SEPTIN9: variants seen among roughly 807,000 people sequenced by gnomAD.
The protein encoded by SEPTIN9 is septin 9.
In SEPTIN9, 13 loss-of-function variants were observed where a neutral mutation model predicts 56.6. The observed-to-expected ratio is 0.23, with a 90% CI of 0.15 to 0.37. The LOEUF (loss-of-function observed/expected upper bound fraction) is 0.37. Ranked by LOEUF, SEPTIN9 falls within the 10% of genes least tolerant of loss-of-function variation. The probability of loss-of-function intolerance (pLI) is 1.00; values close to 1 mark genes in which losing one functional copy is unlikely to be tolerated. For synonymous variants in SEPTIN9, 332 were observed against 334.1 expected, an observed-to-expected ratio of 0.99 and a Z score of 0.07; for missense variants, 650 against 823.1, an observed-to-expected ratio of 0.79 and a Z score of 2.57.
At chr17:77,360,541 T>C (rs1339654819) in intron 2 of SEPTIN9, among the ~76,000 whole-genome samples, 1 of 146,892 alleles carries the variant, frequency 6.8e-6, no homozygotes, top group East Asian at 2.0e-4. Flanking sequence ...GGGTAGGTTG[T>C]TTTTTTTTTG....
rs537411328 is a variant in SEPTIN9 at position 77,331,918 on chromosome 17, T to G, written c.76+24721T>G. Among the ~76,000 whole-genome samples the G allele has an allele frequency of 3.3e-5, 5 of 152,302 alleles. No individual in the cohort carries two copies. The South Asian group carries it at 1.0e-3, about 32-fold the overall frequency. ...TTATTTTATTTTTCCTATTTTTGGT[T>G]GATAGGTTTCAATCTTTTTTACATT... is the stretch of plus-strand genomic sequence containing the variant. On this transcript the variant is annotated intron_variant, in intron 2 of 11. Transcript: ENST00000427177.
chr17:77,392,369 G>A (rs391467), intron 2 of SEPTIN9, among the ~76,000 whole-genome samples: 44,459 of 151,954 alleles, frequency 0.29, 7,567 homozygotes, highest in East Asian at 0.63. Flanking sequence ...GACCCCCCTG[G>A]TGCATTTGAA....
rs528321717 is a variant in SEPTIN9 at position 77,425,855 on chromosome 17, G to A, written c.721+23152G>A. 1.1e-4 allele frequency among the ~76,000 whole-genome samples: 16 copies of A among 152,214 alleles called. No individual in the cohort carries two copies. The highest frequency in any genetic ancestry group is 1.9e-4 in the Non-Finnish European group (13 of 68,038). Reference sequence around the variant, plus strand: ...CAGCTGTGTCTGACCCTGGTTGTGCGGTCTTGGACAGTCCCAGCCCTCCTG... The same window carrying A: ...CAGCTGTGTCTGACCCTGGTTGTGCAGTCTTGGACAGTCCCAGCCCTCCTG... On this transcript the variant is annotated intron_variant, in intron 3 of 11. Transcript: ENST00000427177. This position sits in a 1 kb window ranked among gnomAD's most constrained non-coding sequence, Gnocchi z 4.2.
intron 3 of SEPTIN9, among the ~76,000 whole-genome samples, chr17:77,454,742 C>G (rs1393453524): frequency 2.0e-5 from 3 of 152,224 alleles, no homozygotes; most frequent in African/African-American, 7.2e-5. Flanking sequence ...TCGCACACTG[C>G]CCACCCCACC....
At chr17:77,488,617 C>T (rs2039895253) in intron 6 of SEPTIN9, 110 bp from the exon 7 acceptor site, 2 of 1,447,386 alleles carry the variant, frequency 1.4e-6, no homozygotes, top group African/African-American at 1.4e-5. Flanking sequence ...CCTCCCAGGG[C>T]ATGCATTTCA....
intron 2 of SEPTIN9, among the ~76,000 whole-genome samples, chr17:77,395,116 A>G (rs1171661047): frequency 6.7e-6 from 1 of 149,712 alleles, no homozygotes; most frequent in East Asian, 2.0e-4. Flanking sequence ...GAGTCTTGCC[A>G]TTTGCCCAGG....
chr17:77,354,824 G>A (rs2034173309), intron 2 of SEPTIN9, among the ~76,000 whole-genome samples: 1 of 152,088 alleles, frequency 6.6e-6, no homozygotes, highest in African/African-American at 2.4e-5. Flanking sequence ...GCGTCCTTGA[G>A]GACGTTGACC....
intron 2 of SEPTIN9, among the ~76,000 whole-genome samples, chr17:77,346,094 A>C (rs984309346): frequency 6.6e-6 from 1 of 151,694 alleles, no homozygotes; most frequent in Non-Finnish European, 1.5e-5. Flanking sequence ...GGAGATGCCC[A>C]CCATGCCCAG....
chr17:77,379,322 G>C (rs2143954878), intron 2 of SEPTIN9, among the ~76,000 whole-genome samples: 1 of 152,066 alleles, frequency 6.6e-6, no homozygotes, highest in South Asian at 2.1e-4. Flanking sequence ...GTATCAGGCA[G>C]TCACCACGGT....
intron 2 of SEPTIN9, 135 bp downstream of exon 2, chr17:77,307,332 G>T: frequency 1.2e-6 from 1 of 837,194 alleles, no homozygotes; most frequent in South Asian, 1.4e-5. Flanking sequence ...ATTTCCCAGG[G>T]AGACGCAGTC....
chr17:77,426,034 G>C (rs552601031), intron 3 of SEPTIN9, among the ~76,000 whole-genome samples: 13 of 152,240 alleles, frequency 8.5e-5, no homozygotes, highest in African/African-American at 3.1e-4. Context: ...GAGGGTCCCA[G>C]CCTCAGGAGG....
rs955571356 is a variant in SEPTIN9 at position 77,429,532 on chromosome 17, G to T, written c.721+26829G>T. 3.9e-5 allele frequency among the ~76,000 whole-genome samples: 6 copies of T among 152,224 alleles called. No individual in the cohort carries two copies. Among genetic ancestry groups the T allele is most frequent in the Non-Finnish European group, 8.8e-5 (6 of 68,042 alleles). On this transcript the variant is annotated intron_variant, in intron 3 of 11. Transcript: ENST00000427177. The surrounding 1 kb of genome is among the most constrained non-coding windows in gnomAD (Gnocchi z 5.2). ...GGTGGGGAGAGGAGGCGCAAGGCTG[G>T]TTCCTGTTTTCTGGGCTTTGATCGA...
rs1055501145 is a variant in SEPTIN9 at position 77,487,104 on chromosome 17, C to G, written c.914-320C>G. Among the ~76,000 whole-genome samples the G allele has an allele frequency of 6.6e-6, 1 of 152,190 alleles. No homozygotes were observed. Among genetic ancestry groups the G allele is most frequent in the Non-Finnish European group, 1.5e-5 (1 of 68,020 alleles). ...CTGTCCTGTCCAAAATCTGAGCCAC[C>G]AGGAGACCTCCTGTCCAGAAAGCAC... On this transcript the variant is annotated intron_variant, in intron 4 of 11. Coordinates refer to ENST00000427177, the MANE Select transcript of SEPTIN9 (RefSeq NM_001113491.2). This position sits in a 1 kb window ranked among gnomAD's most constrained non-coding sequence, Gnocchi z 4.3.
chr17:77,291,224 CG>C (rs2031535891), intron 1 of SEPTIN9, among the ~76,000 whole-genome samples: 1 of 151,140 alleles, frequency 6.6e-6, no homozygotes, highest in Non-Finnish European at 1.5e-5. Flanking sequence ...TTAGTAGGGA[CG>C]GGGTTTCACC....
chr17:77,459,233 G>A (rs2038351188), intron 3 of SEPTIN9, among the ~76,000 whole-genome samples: 1 of 152,238 alleles, frequency 6.6e-6, no homozygotes. Flanking sequence ...CATTCTGGCT[G>A]CCTCCTGGCC....
chr17:77,310,009 C>T lies in SEPTIN9; in HGVS notation c.76+2812C>T, dbSNP rs1184555635. Among the ~76,000 whole-genome samples the T allele has an allele frequency of 3.3e-5, 5 of 151,400 alleles. No individual in the cohort carries two copies. Among genetic ancestry groups the T allele is most frequent in the South Asian group, 2.1e-4 (1 of 4,798 alleles). ...TTTTTTTTTTTTTGAGATAGAGTCT[C>T]GCTCTATCGCCCAGGCTGGAGTGCA... On this transcript the variant is annotated intron_variant, in intron 2 of 11. Transcript: ENST00000427177. The surrounding 1 kb of genome is among the most constrained non-coding windows in gnomAD (Gnocchi z 4.7).
intron 2 of SEPTIN9, among the ~76,000 whole-genome samples, chr17:77,316,207 A>G (rs9915312): frequency 0.4 from 61,427 of 151,744 alleles, 13,711 homozygotes; most frequent in East Asian, 0.53. Flanking sequence ...GGCCTGGTGA[A>G]GTGCCCCCTT....
rs2037329172 is a variant in SEPTIN9 at position 77,436,160 on chromosome 17, C to T, written c.721+33457C>T. Among the ~76,000 whole-genome samples the T allele has an allele frequency of 6.6e-6, 1 of 152,182 alleles. No homozygotes were observed. The highest frequency in any genetic ancestry group is 6.5e-5 in the Admixed American group (1 of 15,276). On this transcript the variant is annotated intron_variant, in intron 3 of 11. Transcript: ENST00000427177. The surrounding 1 kb of genome is among the most constrained non-coding windows in gnomAD (Gnocchi z 4.4). ...GGAGTGTGAGGATGCCTGCTGGAAG[C>T]CAACGTGCACGAAAGAGTTAATGGT...
In SEPTIN9 at chr17:77,320,339, C is replaced by A. The variant is rs370646966; in HGVS notation, c.76+13142C>A. 6.2e-7 allele frequency: 1 copy of A among 1,613,052 alleles called. No individual in the cohort carries two copies. The highest frequency in any genetic ancestry group is 1.3e-5 in the African/African-American group (1 of 75,020). ...TATATCCGTAGGAATGGAGAGGGAC[C>A]GGATCTCAGGTACGCAGACAGCCCC... On this transcript the variant is annotated intron_variant, in intron 2 of 11. Coordinates refer to ENST00000427177, the MANE Select transcript of SEPTIN9 (RefSeq NM_001113491.2).
Sources: gnomAD v4.1 joint callset for allele counts (sites outside exome capture counted in the v4.1 genomes callset) on GRCh38, gnomAD v4.1.1 for gene constraint, Gnocchi (gnomAD v3.1) non-coding constraint, MANE v1.5 for transcripts, NCBI Gene and HGNC (gene_info 2026-07-23, HGNC 2026-07-21) for gene names.